The following TBC1D22A variants were observed in gnomAD, a reference collection of about 807,000 sequenced individuals.
TBC1D22A encodes TBC1 domain family member 22A.
In TBC1D22A, 38 loss-of-function variants were observed where a neutral mutation model predicts 60.2. The ratio of observed to expected loss-of-function variants is 0.63; its 90% CI spans 0.49 to 0.83. TBC1D22A has a LOEUF of 0.83. TBC1D22A is among the 40% of genes least tolerant of loss of function. The pLI, the probability that TBC1D22A is intolerant of heterozygous loss-of-function variation, is 0.00. For synonymous variants in TBC1D22A, 302 were observed against 281.7 expected, an observed-to-expected ratio of 1.07 and a Z score of -0.72; for missense variants, 628 against 701.0, an observed-to-expected ratio of 0.90 and a Z score of 1.18.
At chr22:47,079,177 C>T (rs1443969394) in intron 11 of TBC1D22A, among the ~76,000 whole-genome samples, 1 of 151,590 alleles carries the variant, frequency 6.6e-6, no homozygotes, top group Non-Finnish European at 1.5e-5. Flanking sequence ...ACTTCCACCT[C>T]CCAGGTTCAA....
At chr22:46,802,192 G>A (rs1193590287) in intron 4 of TBC1D22A, among the ~76,000 whole-genome samples, 1 of 152,256 alleles carries the variant, frequency 6.6e-6, no homozygotes, top group Non-Finnish European at 1.5e-5. Flanking sequence ...AGCACCTGCT[G>A]TGGTTGTAGG....
intron 11 of TBC1D22A, among the ~76,000 whole-genome samples, chr22:47,067,124 A>G (rs1324381825): frequency 2.0e-5 from 3 of 152,132 alleles, no homozygotes; most frequent in Non-Finnish European, 4.4e-5. Flanking sequence ...AAATTAGCAG[A>G]GTGTGGTGGC....
chr22:47,015,910 C>T (rs1421122060), intron 10 of TBC1D22A, among the ~76,000 whole-genome samples: 2 of 152,186 alleles, frequency 1.3e-5, no homozygotes, highest in Non-Finnish European at 2.9e-5. Flanking sequence ...CTCTTTAATC[C>T]CTGGGGAATG....
chr22:47,159,634 A>G (rs1382608987), intron 12 of TBC1D22A, among the ~76,000 whole-genome samples: 1 of 151,846 alleles, frequency 6.6e-6, no homozygotes, highest in East Asian at 1.9e-4. Context: ...CACACCACAC[A>G]TGCACCACAT....
chr22:47,047,398 T>C (rs2063066129), intron 11 of TBC1D22A, among the ~76,000 whole-genome samples: 1 of 152,194 alleles, frequency 6.6e-6, no homozygotes, highest in African/African-American at 2.4e-5. Context: ...GTTGAGTAGA[T>C]CACCTGTGCA....
At chr22:46,812,124 G>A (rs2085402814) in intron 4 of TBC1D22A, among the ~76,000 whole-genome samples, 1 of 152,180 alleles carries the variant, frequency 6.6e-6, no homozygotes. Context: ...GGCTTCTGGT[G>A]CTTTGTGATT....
rs537891431 is a variant in TBC1D22A, at chr22:47,074,204, C to G, written c.1329+37006C>G. Among the ~76,000 whole-genome samples, 3 of 152,340 alleles carry G rather than the reference C, an allele frequency of 2.0e-5. 1 individual carries two copies. Among genetic ancestry groups the G allele is most frequent in the Middle Eastern group, 6.8e-3 (2 of 294 alleles). On this transcript the variant is annotated intron_variant, in intron 11 of 12. Transcript: ENST00000337137. Reference sequence around the variant, plus strand: ...CAATGAAGCAATGATGTGGACGATGCGTGTCCTAATCCGGAGCGCCTCCCA... The same window carrying G: ...CAATGAAGCAATGATGTGGACGATGGGTGTCCTAATCCGGAGCGCCTCCCA...
At chr22:46,989,917 C>T (rs559889715) in intron 9 of TBC1D22A, among the ~76,000 whole-genome samples, 2 of 152,260 alleles carry the variant, frequency 1.3e-5, no homozygotes, top group South Asian at 2.1e-4. Context: ...ATTCTCCCAC[C>T]GCAGTCTCCT....
At chr22:46,991,495 C>T (rs1261403436) in intron 9 of TBC1D22A, among the ~76,000 whole-genome samples, 1 of 152,210 alleles carries the variant, frequency 6.6e-6, no homozygotes, top group Non-Finnish European at 1.5e-5. Context: ...GCAAGTCCTA[C>T]GTTCAGGTGC....
At chr22:47,165,282 C>T (rs1327658707) in intron 12 of TBC1D22A, among the ~76,000 whole-genome samples, 1 of 152,178 alleles carries the variant, frequency 6.6e-6, no homozygotes, top group African/African-American at 2.4e-5. Flanking sequence ...GCCCTCATGG[C>T]ACCTGCGAAG....
intron 11 of TBC1D22A, among the ~76,000 whole-genome samples, chr22:47,071,492 C>T (rs1024567420): frequency 6.6e-6 from 1 of 152,228 alleles, no homozygotes; most frequent in Non-Finnish European, 1.5e-5. Flanking sequence ...CAAGCCCTTT[C>T]AGTCTTCCTG....
chr22:46,927,095 T>C (rs1040096945), intron 8 of TBC1D22A, among the ~76,000 whole-genome samples: 5 of 152,198 alleles, frequency 3.3e-5, no homozygotes, highest in African/African-American at 4.8e-5. Flanking sequence ...ACTTTTCACC[T>C]CATTCTATGT....
chr22:47,113,327 G>T (rs987946681), intron 12 of TBC1D22A, among the ~76,000 whole-genome samples: 2 of 152,208 alleles, frequency 1.3e-5, no homozygotes, highest in African/African-American at 4.8e-5. Flanking sequence ...TCCTGCCTCG[G>T]TGGTGTCTGT....
intron 1 of TBC1D22A, among the ~76,000 whole-genome samples, chr22:46,780,158 G>C (rs554664905): frequency 6.6e-6 from 1 of 152,290 alleles, no homozygotes; most frequent in Non-Finnish European, 1.5e-5. Context: ...ATTTGAGTAC[G>C]TATTTCAGAA....
chr22:47,003,498 A>G (rs1263638207), intron 10 of TBC1D22A, among the ~76,000 whole-genome samples: 1 of 148,960 alleles, frequency 6.7e-6, no homozygotes, highest in Non-Finnish European at 1.5e-5. Context: ...ACATGCCTGT[A>G]CACACACACC....
chr22:46,856,737 G>A (rs772716865), intron 4 of TBC1D22A, among the ~76,000 whole-genome samples: 1 of 152,142 alleles, frequency 6.6e-6, no homozygotes, highest in African/African-American at 2.4e-5. Flanking sequence ...TTTTGGGTCT[G>A]TTTCTTGATT....
intron 12 of TBC1D22A, among the ~76,000 whole-genome samples, chr22:47,153,496 G>A (rs114689862): frequency 6.6e-6 from 1 of 152,038 alleles, no homozygotes; most frequent in Non-Finnish European, 1.5e-5. Context: ...GCAGAAAGGC[G>A]TGAGAGAAGG....
chr22:46,790,651 A>G (rs1313327171), intron 1 of TBC1D22A, among the ~76,000 whole-genome samples: 5 of 143,758 alleles, frequency 3.5e-5, no homozygotes, highest in African/African-American at 1.3e-4. Flanking sequence ...TGAACAAAAT[A>G]AAAAAAAAAA....
chr22:47,001,314 T>G (rs1236042571), intron 10 of TBC1D22A, among the ~76,000 whole-genome samples: 3 of 150,168 alleles, frequency 2.0e-5, no homozygotes, highest in African/African-American at 7.3e-5. Flanking sequence ...TTTTTTTTTT[T>G]TTTTAATAAC....
Sources: gnomAD v4.1 joint callset for allele counts (sites outside exome capture counted in the v4.1 genomes callset) on GRCh38, gnomAD v4.1.1 for gene constraint, MANE v1.5 for transcripts, NCBI Gene and HGNC (gene_info 2026-07-23, HGNC 2026-07-21) for gene names.